Variants in RGS7 observed in about 807,000 individuals in gnomAD.
RGS7 encodes the protein regulator of G protein signaling 7, also known as regulator of G-protein signaling 7.
RGS7 carries 27 observed loss-of-function variants against 81.1 expected under a neutral mutation model. The ratio of observed to expected loss-of-function variants is 0.33; its 90% CI spans 0.25 to 0.46. The LOEUF is 0.46. Among genes scored for constraint, RGS7 ranks in the 20% least tolerant of loss-of-function variants. The pLI is 1.00. For synonymous variants in RGS7, 208 were observed against 207.7 expected, an observed-to-expected ratio of 1.00 and a Z score of -0.01; for missense variants, 396 against 607.4, an observed-to-expected ratio of 0.65 and a Z score of 3.66.
chr1:240,803,205 T>C (rs1251987514), intron 15 of RGS7, among the ~76,000 whole-genome samples: 10 of 152,158 alleles, frequency 6.6e-5, no homozygotes, highest in Non-Finnish European at 1.5e-4. Flanking sequence ...TAGGAGCTAC[T>C]GAGGAGGCAA....
intron 2 of RGS7, among the ~76,000 whole-genome samples, chr1:241,318,369 AT>A (rs2081009403): frequency 6.6e-6 from 1 of 152,158 alleles, no homozygotes; most frequent in Admixed American, 6.5e-5. Flanking sequence ...GTCATTTCTT[AT>A]ATTTGACATC....
At chr1:240,841,809 T>A (rs1378350252) in intron 9 of RGS7, among the ~76,000 whole-genome samples, 4 of 152,168 alleles carry the variant, frequency 2.6e-5, no homozygotes, top group Non-Finnish European at 5.9e-5. Flanking sequence ...CTAAAATACC[T>A]CCATCTGCAT....
intron 15 of RGS7, 51 bp from the exon 16 acceptor site, chr1:240,803,044 T>A (rs746160196): frequency 3.2e-6 from 4 of 1,250,028 alleles, no homozygotes; most frequent in Non-Finnish European, 4.7e-6. Context: ...TTGGGAAAAG[T>A]AAAATATCAT....
chr1:240,875,571 A>G (rs1299142001), intron 6 of RGS7, among the ~76,000 whole-genome samples: 2 of 152,122 alleles, frequency 1.3e-5, no homozygotes, highest in Non-Finnish European at 2.9e-5. Flanking sequence ...GCTGGATCCT[A>G]TGGTAGTTCT....
intron 18 of RGS7, among the ~76,000 whole-genome samples, chr1:240,787,393 A>T (rs2102994441): frequency 6.6e-6 from 1 of 152,308 alleles, no homozygotes; most frequent in Admixed American, 6.5e-5. Context: ...ACCAGATTTG[A>T]GCACAGGAAC....
intron 18 of RGS7, among the ~76,000 whole-genome samples, chr1:240,796,712 G>A (rs1280259847): frequency 6.6e-5 from 10 of 152,006 alleles, no homozygotes; most frequent in Admixed American, 6.6e-4. Flanking sequence ...ACAACAAACA[G>A]ATTTGATCCT....
intron 2 of RGS7, among the ~76,000 whole-genome samples, chr1:241,171,540 G>A (rs1428425239): frequency 6.6e-6 from 1 of 152,154 alleles, no homozygotes; most frequent in Non-Finnish European, 1.5e-5. Flanking sequence ...GACAGTTTAG[G>A]TAATCCTGTA....
intron 9 of RGS7, among the ~76,000 whole-genome samples, chr1:240,863,644 G>A (rs1662666847): frequency 1.3e-5 from 2 of 152,120 alleles, no homozygotes; most frequent in South Asian, 4.1e-4. Flanking sequence ...CCTGGCAGGG[G>A]TATTCTACAC....
chr1:241,239,512 A>C (rs1271013573), intron 2 of RGS7, among the ~76,000 whole-genome samples: 1 of 152,190 alleles, frequency 6.6e-6, no homozygotes, highest in Non-Finnish European at 1.5e-5. Context: ...TTAGCCGTCT[A>C]TAATCTGACT....
chr1:240,898,021 G>A (rs910763262), intron 6 of RGS7, among the ~76,000 whole-genome samples: 3 of 152,178 alleles, frequency 2.0e-5, no homozygotes, highest in African/African-American at 7.2e-5. Flanking sequence ...GAGTGTGTAT[G>A]TGTCCAGAAA....
chr1:241,028,748 A>C (rs2059917953), intron 3 of RGS7, among the ~76,000 whole-genome samples: 2 of 152,196 alleles, frequency 1.3e-5, no homozygotes, highest in Non-Finnish European at 2.9e-5. Context: ...AAGTCGAGAC[A>C]CAAAATAATC....
At chr1:241,296,819 G>A (rs1333982368) in intron 2 of RGS7, among the ~76,000 whole-genome samples, 1 of 152,208 alleles carries the variant, frequency 6.6e-6, no homozygotes, top group Admixed American at 6.5e-5. Flanking sequence ...TTACTGGAAT[G>A]ATGAAATCTG....
chr1:241,296,274 T>C (rs544676666), intron 2 of RGS7, among the ~76,000 whole-genome samples: 2 of 152,134 alleles, frequency 1.3e-5, no homozygotes, highest in East Asian at 3.9e-4. Flanking sequence ...AAGTAGCCGC[T>C]GACACAGCCA....
intron 2 of RGS7, among the ~76,000 whole-genome samples, chr1:241,277,340 C>T (rs370832418): frequency 1.1e-4 from 16 of 152,238 alleles, no homozygotes; most frequent in Middle Eastern, 3.4e-3. Flanking sequence ...AGCATGCAGG[C>T]CAGGCGTGGT....
intron 2 of RGS7, among the ~76,000 whole-genome samples, chr1:241,211,601 T>G (rs746076852): frequency 6.6e-5 from 10 of 152,220 alleles, no homozygotes; most frequent in Non-Finnish European, 1.3e-4. Flanking sequence ...AGGCTAATTT[T>G]CTAGCTGCAG....
At chr1:240,824,005 A>T (rs1417890117) in intron 10 of RGS7, among the ~76,000 whole-genome samples, 2 of 152,208 alleles carry the variant, frequency 1.3e-5, no homozygotes, top group African/African-American at 4.8e-5. Context: ...GATCCTTGAG[A>T]TAATACATTT....
intron 3 of RGS7, among the ~76,000 whole-genome samples, chr1:241,071,990 T>G (rs1394201271): frequency 1.3e-5 from 2 of 152,090 alleles, no homozygotes; most frequent in Non-Finnish European, 2.9e-5. Context: ...ACTTTGAAAT[T>G]TACTAGAGTA....
At chr1:241,206,833 A>G (rs1192872384) in intron 2 of RGS7, among the ~76,000 whole-genome samples, 1 of 151,916 alleles carries the variant, frequency 6.6e-6, no homozygotes, top group Non-Finnish European at 1.5e-5. Context: ...ATTTAACCTA[A>G]TTCTTCAGCC....
In RGS7 at chr1:240,898,295, G is replaced by A. The variant is rs956711765; in HGVS notation, c.386-28176C>T. On this transcript the variant is annotated intron_variant, in intron 6 of 18. Transcript: ENST00000440928. ...GTCTCTATTTCCTTCAGTTCTGCTC[G>A]GATCTTAGTTATTTCTTGCCTTCTG... Among the ~76,000 whole-genome samples the A allele has an allele frequency of 1.3e-4, 19 of 151,892 alleles. No homozygotes were observed. The East Asian group carries it at 2.5e-3, about 20-fold the overall frequency.
Sources: allele counts gnomAD v4.1 joint callset (sites outside exome capture counted in the v4.1 genomes callset), GRCh38; gene constraint gnomAD v4.1.1; transcripts MANE v1.5; gene names NCBI Gene and HGNC (gene_info 2026-07-23, HGNC 2026-07-21).